Variants in HMGN3 observed in about 807,000 individuals in gnomAD.
HMGN3 encodes high mobility group nucleosome-binding domain-containing protein 3.
In HMGN3, 6 loss-of-function variants were observed where a neutral mutation model predicts 18.8. The observed-to-expected ratio is 0.32, with a 90% CI of 0.18 to 0.63. HMGN3 has a LOEUF of 0.63. Ranked by LOEUF, HMGN3 falls within the 30% of genes least tolerant of loss-of-function variation. HMGN3 has a pLI of 0.79. For missense variants in HMGN3, 107 were observed against 114.2 expected, an observed-to-expected ratio of 0.94 and a Z score of 0.29; for synonymous variants, 40 against 36.5, an observed-to-expected ratio of 1.10 and a Z score of -0.35.
Position 79,208,596 on chromosome 6 carries a change from A to T in HMGN3, c.67-20T>A, listed in dbSNP as rs1776535012. ...TGTGGGCTACAAAGGGAATGGGAAA[A>T]TATACATATTTTTTGGTGATTATAT... On this transcript the variant is annotated intron_variant, in intron 2 of 5. Coordinates refer to ENST00000344726, the Ensembl canonical transcript of HMGN3. The T allele has an allele frequency of 6.3e-7, 1 of 1,586,564 alleles. No individual in the cohort carries two copies. The highest frequency in any genetic ancestry group is 1.7e-5 in the Admixed American group (1 of 59,950).
chr6:79,231,702 G>C (rs1023036436), intron 1 of HMGN3, among the ~76,000 whole-genome samples: 1 of 152,162 alleles, frequency 6.6e-6, no homozygotes, highest in Admixed American at 6.5e-5. Context: ...TGAATACCTG[G>C]TAACAAAAAA....
chr6:79,224,763 C>A (rs186670992), intron 1 of HMGN3, among the ~76,000 whole-genome samples: 1 of 152,268 alleles, frequency 6.6e-6, no homozygotes, highest in Admixed American at 6.5e-5. Flanking sequence ...TGGCAGAATT[C>A]ACACTAGACC....
chr6:79,208,430 T>C, intron 3 of HMGN3, 117 bp downstream of exon 3: 1 of 920,704 alleles, frequency 1.1e-6, no homozygotes, highest in East Asian at 2.4e-5. Context: ...TAGGTAATTT[T>C]CAAAAAGAAA....
At chr6:79,208,959 C>A (rs1001670127) in intron 2 of HMGN3, among the ~76,000 whole-genome samples, 3 of 152,138 alleles carry the variant, frequency 2.0e-5, no homozygotes, top group Non-Finnish European at 4.4e-5. Context: ...ACTCCAGCTC[C>A]TTAAAAATGG....
At chr6:79,203,102 G>A (rs1407685061) in intron 4 of HMGN3, among the ~76,000 whole-genome samples, 2 of 152,274 alleles carry the variant, frequency 1.3e-5, no homozygotes, top group Admixed American at 6.5e-5. Context: ...AAGGTCATAT[G>A]AGTAAAGCAA....
chr6:79,212,602 G>A (rs1044671481), intron 2 of HMGN3, among the ~76,000 whole-genome samples: 9 of 152,140 alleles, frequency 5.9e-5, no homozygotes, highest in African/African-American at 2.2e-4. Context: ...CAAAATAATG[G>A]ATGTAAAAGG....
rs565772047 is a variant in HMGN3 at position 79,229,314 on chromosome 6, C to T, written c.15+5232G>A. On this transcript the variant is annotated intron_variant, in intron 1 of 5. Coordinates refer to ENST00000344726, the Ensembl canonical transcript of HMGN3. ...TACGAATCATATATCTGATAAGGGA[C>T]TTGTATCTCAGACTTATAAAGAACT... Among the ~76,000 whole-genome samples the T allele has an allele frequency of 3.3e-5, 5 of 152,192 alleles. No homozygotes were observed. In the East Asian group the frequency reaches 7.7e-4, roughly 24 times the overall value.
chr6:79,202,401 T>G lies in HMGN3; in HGVS notation c.148-12A>C. 2 of 1,592,858 alleles carry G rather than the reference T, an allele frequency of 1.3e-6. No homozygotes were observed. The highest frequency in any genetic ancestry group is 1.7e-6 in the Non-Finnish European group (2 of 1,160,842). The stretch of plus-strand genomic sequence containing the variant: ...GCTCCAGGTTCTTTCTAACAGAGGA[T>G]CAAAGCACAGTGAAAGAGAATGTTA... On this transcript the variant is annotated splice_polypyrimidine_tract_variant and intron_variant, in intron 4 of 5. Coordinates refer to ENST00000344726, the Ensembl canonical transcript of HMGN3.
chr6:79,220,040 G>C (rs1372905917), intron 1 of HMGN3, among the ~76,000 whole-genome samples: 1 of 152,152 alleles, frequency 6.6e-6, no homozygotes, highest in African/African-American at 2.4e-5. Flanking sequence ...GCAGCTAATG[G>C]CTACCATATA....
chr6:79,210,590 A>G (rs1479443025), intron 2 of HMGN3, among the ~76,000 whole-genome samples: 2 of 152,130 alleles, frequency 1.3e-5, no homozygotes, highest in Non-Finnish European at 2.9e-5. Flanking sequence ...AGATGAACAG[A>G]AGGGGTAAGC....
intron 1 of HMGN3, among the ~76,000 whole-genome samples, chr6:79,226,686 T>C (rs886744690): frequency 3.3e-5 from 5 of 152,234 alleles, no homozygotes; most frequent in Non-Finnish European, 7.3e-5. Flanking sequence ...AGTAAGTATA[T>C]TTGTGTTAAT....
chr6:79,226,772 T>C (rs1777586426), intron 1 of HMGN3, among the ~76,000 whole-genome samples: 1 of 152,316 alleles, frequency 6.6e-6, no homozygotes, highest in African/African-American at 2.4e-5. Context: ...TCTTCCTACT[T>C]CTGAATGTGC....
intron 3 of HMGN3, among the ~76,000 whole-genome samples, chr6:79,206,710 A>G (rs551773414): frequency 1.3e-5 from 2 of 152,294 alleles, no homozygotes; most frequent in East Asian, 3.9e-4. Flanking sequence ...CTGTGAGAAG[A>G]GGGCCACTGC....
At chr6:79,207,209 C>A (rs956440323) in intron 3 of HMGN3, among the ~76,000 whole-genome samples, 1 of 152,112 alleles carries the variant, frequency 6.6e-6, no homozygotes, top group Non-Finnish European at 1.5e-5. Context: ...AATGTGAGGA[C>A]ATGAGATTTG....
chr6:79,225,436 T>C (rs1054302222), intron 1 of HMGN3, among the ~76,000 whole-genome samples: 19 of 152,190 alleles, frequency 1.2e-4, no homozygotes, highest in African/African-American at 3.4e-4. Context: ...TCCAGTGGAT[T>C]TTCCTAGCTA....
chr6:79,223,637 T>G (rs2127834061), intron 1 of HMGN3, among the ~76,000 whole-genome samples: 1 of 152,014 alleles, frequency 6.6e-6, no homozygotes, highest in South Asian at 2.1e-4. Context: ...CCCTGGGAGG[T>G]GGAGGCTGCA....
At chr6:79,220,286 G>A (rs1412459076) in intron 1 of HMGN3, among the ~76,000 whole-genome samples, 1 of 152,016 alleles carries the variant, frequency 6.6e-6, no homozygotes, top group African/African-American at 2.4e-5. Context: ...TAAAAAGCAG[G>A]AAAGTAAAAA....
intron 1 of HMGN3, among the ~76,000 whole-genome samples, chr6:79,224,477 T>A (rs1303437979): frequency 1.3e-5 from 2 of 152,332 alleles, no homozygotes; most frequent in East Asian, 3.9e-4. Flanking sequence ...AAATAGTTTA[T>A]GTTGAGTTGA....
At chr6:79,220,497 A>G (rs1777221089) in intron 1 of HMGN3, among the ~76,000 whole-genome samples, 2 of 152,170 alleles carry the variant, frequency 1.3e-5, no homozygotes, top group South Asian at 4.1e-4. Context: ...CCCAGGCTGG[A>G]GTGCAATGGC....
Sources: allele counts gnomAD v4.1 joint callset (sites outside exome capture counted in the v4.1 genomes callset), GRCh38; gene constraint gnomAD v4.1.1; transcripts MANE v1.5; gene names NCBI Gene and HGNC (gene_info 2026-07-23, HGNC 2026-07-21).